The following WDR70 variants were observed in gnomAD, a reference collection of about 807,000 sequenced individuals.
The protein encoded by WDR70 is WD repeat domain 70.
WDR70 carries 53 observed loss-of-function variants against 88.6 expected under a neutral mutation model. The observed-to-expected ratio is 0.60, with a 90% CI of 0.48 to 0.75. WDR70 has a LOEUF of 0.75. WDR70 is among the 30% of genes least tolerant of loss of function. The pLI, the probability that WDR70 is intolerant of heterozygous loss-of-function variation, is 0.00. For synonymous variants in WDR70, 280 were observed against 270.0 expected, an observed-to-expected ratio of 1.04 and a Z score of -0.36; for missense variants, 610 against 823.2, an observed-to-expected ratio of 0.74 and a Z score of 3.17.
At chr5:37,415,422 A>G (rs1286833334) in intron 5 of WDR70, among the ~76,000 whole-genome samples, 11 of 69,066 alleles carry the variant, frequency 1.6e-4, no homozygotes, top group South Asian at 1.2e-3. Flanking sequence ...TGACCCCCCC[A>G]CCTCCCTCCC....
intron 10 of WDR70, among the ~76,000 whole-genome samples, chr5:37,685,129 T>C (rs1410717756): frequency 1.3e-5 from 2 of 151,700 alleles, no homozygotes; most frequent in African/African-American, 4.8e-5. Context: ...GATGGGGTGC[T>C]GGTGGGGGTG....
At chr5:37,699,208 G>A (rs1252394846) in intron 11 of WDR70, among the ~76,000 whole-genome samples, 1 of 151,860 alleles carries the variant, frequency 6.6e-6, no homozygotes, top group African/African-American at 2.4e-5. Flanking sequence ...TGATAAAATA[G>A]GTGAGCCCAA....
intron 5 of WDR70, among the ~76,000 whole-genome samples, chr5:37,428,143 GT>G (rs920659159): frequency 4.0e-5 from 6 of 151,734 alleles, no homozygotes; most frequent in African/African-American, 1.5e-4. Flanking sequence ...TTTATTTTGG[GT>G]TTTTGTTACA....
intron 9 of WDR70, among the ~76,000 whole-genome samples, chr5:37,525,917 C>T (rs943002114): frequency 1.3e-5 from 2 of 152,140 alleles, no homozygotes; most frequent in Non-Finnish European, 2.9e-5. Flanking sequence ...CATACACCCT[C>T]CCAAGACTAA....
intron 3 of WDR70, among the ~76,000 whole-genome samples, chr5:37,383,614 C>G: frequency 6.6e-6 from 1 of 151,714 alleles, no homozygotes; most frequent in Middle Eastern, 3.2e-3. Flanking sequence ...GCGTCTCGCT[C>G]TGTCGCCCTG....
intron 9 of WDR70, among the ~76,000 whole-genome samples, chr5:37,553,824 G>A (rs763385508): frequency 1.9e-4 from 29 of 152,208 alleles, no homozygotes; most frequent in Non-Finnish European, 3.7e-4. Flanking sequence ...CTTTTGGCAA[G>A]TTATTTAATG....
At chr5:37,529,111 T>C (rs532226063) in intron 9 of WDR70, among the ~76,000 whole-genome samples, 2 of 152,266 alleles carry the variant, frequency 1.3e-5, no homozygotes, top group South Asian at 2.1e-4. Context: ...TTGTTTGCTT[T>C]GTCAAAGATC....
chr5:37,449,914 C>G (rs1197951933), intron 7 of WDR70, among the ~76,000 whole-genome samples: 1 of 152,142 alleles, frequency 6.6e-6, no homozygotes, highest in African/African-American at 2.4e-5. Flanking sequence ...CACCCCCTGA[C>G]AGGCCCTGGT....
intron 17 of WDR70, among the ~76,000 whole-genome samples, chr5:37,736,358 A>G (rs1158731672): frequency 6.6e-6 from 1 of 152,186 alleles, no homozygotes; most frequent in Non-Finnish European, 1.5e-5. Context: ...GTGTTAAAAT[A>G]TCATTCCCAC....
intron 9 of WDR70, among the ~76,000 whole-genome samples, chr5:37,545,694 T>G (rs1456210169): frequency 3.9e-5 from 6 of 152,102 alleles, no homozygotes; most frequent in Non-Finnish European, 7.4e-5. Context: ...GCTAATTTTT[T>G]TGTATTTTTA....
intron 8 of WDR70, among the ~76,000 whole-genome samples, chr5:37,491,261 A>T (rs1050270105): frequency 6.6e-6 from 1 of 152,156 alleles, no homozygotes; most frequent in Non-Finnish European, 1.5e-5. Flanking sequence ...TCTCTGCTGA[A>T]TTCCAACATT....
chr5:37,738,461 AT>A (rs1748371768), intron 17 of WDR70, among the ~76,000 whole-genome samples: 1 of 152,178 alleles, frequency 6.6e-6, no homozygotes, highest in Admixed American at 6.5e-5. Flanking sequence ...AGCTGAAAAC[AT>A]TTTGTTACAG....
rs541324945 is a variant in WDR70, at chr5:37,445,949, C to G, written c.686+2577C>G. Among the ~76,000 whole-genome samples the G allele has an allele frequency of 1.8e-4, 28 of 152,162 alleles. No homozygotes were observed. The East Asian group carries it at 5.4e-3, about 29-fold the overall frequency. ...CGGAAGTTCTGGCCAGGCAATCAGG[C>G]AGGAGAAAGAAATAAAGGGTATTCA... On this transcript the variant is annotated intron_variant, in intron 7 of 17. Coordinates refer to ENST00000265107, the MANE Select transcript of WDR70 (RefSeq NM_018034.4).
chr5:37,500,432 C>T (rs1242484142), intron 8 of WDR70, among the ~76,000 whole-genome samples: 1 of 152,078 alleles, frequency 6.6e-6, no homozygotes, highest in Non-Finnish European at 1.5e-5. Context: ...ATAATGACTT[C>T]TTTTCCTTTG....
chr5:37,664,399 AG>A (rs1745782225), intron 10 of WDR70, among the ~76,000 whole-genome samples: 2 of 152,224 alleles, frequency 1.3e-5, no homozygotes, highest in African/African-American at 4.8e-5. Context: ...TAGATCCAAA[AG>A]TAAGGTGCTA....
At chr5:37,745,147 C>T (rs1748599557) in intron 17 of WDR70, among the ~76,000 whole-genome samples, 1 of 152,036 alleles carries the variant, frequency 6.6e-6, no homozygotes, top group Admixed American at 6.6e-5. Context: ...GAATTTTCAA[C>T]CCAGAATTTC....
intron 8 of WDR70, among the ~76,000 whole-genome samples, chr5:37,509,485 C>T (rs1416094201): frequency 6.6e-6 from 1 of 151,894 alleles, no homozygotes; most frequent in Non-Finnish European, 1.5e-5. Flanking sequence ...CTCAGCCTCC[C>T]AAAGTACTGG....
intron 13 of WDR70, among the ~76,000 whole-genome samples, chr5:37,718,508 G>A (rs1747718013): frequency 6.6e-6 from 1 of 152,076 alleles, no homozygotes; most frequent in South Asian, 2.1e-4. Context: ...CCTTAATATT[G>A]TCCTGGGCCA....
chr5:37,559,419 T>G (rs1211005108), intron 9 of WDR70, among the ~76,000 whole-genome samples: 3 of 152,204 alleles, frequency 2.0e-5, no homozygotes, highest in Admixed American at 6.5e-5. Context: ...TGCTTTTTCC[T>G]TTACCCATTC....
Sources: allele counts gnomAD v4.1 joint callset (sites outside exome capture counted in the v4.1 genomes callset), GRCh38; gene constraint gnomAD v4.1.1; transcripts MANE v1.5; gene names NCBI Gene and HGNC (gene_info 2026-07-23, HGNC 2026-07-21).